HABP2: variants seen among roughly 807,000 people sequenced by gnomAD.
HABP2 encodes factor VII-activating protease.
HABP2 carries 65 observed loss-of-function variants against 66.5 expected under a neutral mutation model. The ratio of observed to expected loss-of-function variants is 0.98; its 90% CI spans 0.80 to 1.20. The LOEUF (loss-of-function observed/expected upper bound fraction) is 1.20, where lower values mean the gene tolerates loss of function less well. Among genes scored for constraint, HABP2 ranks in the 50% most tolerant of loss-of-function variants. The pLI is 0.00. For synonymous variants in HABP2, 263 were observed against 253.9 expected, an observed-to-expected ratio of 1.04 and a Z score of -0.34; for missense variants, 786 against 691.0, an observed-to-expected ratio of 1.14 and a Z score of -1.54.
upstream of HABP2, among the ~76,000 whole-genome samples, chr10:113,551,953 G>A (rs1844906870): frequency 6.6e-6 from 1 of 152,126 alleles, no homozygotes; most frequent in Non-Finnish European, 1.5e-5. Context: ...AAAATATGTG[G>A]ATAAAAGAAA....
intron 2 of HABP2, among the ~76,000 whole-genome samples, chr10:113,568,825 A>T (rs1455143763): frequency 2.0e-5 from 3 of 152,132 alleles, no homozygotes. Flanking sequence ...GACACAGTGG[A>T]AGAAAAAGAA....
At chr10:113,556,517 C>A (rs1844994645) in intron 1 of HABP2, among the ~76,000 whole-genome samples, 1 of 152,060 alleles carries the variant, frequency 6.6e-6, no homozygotes, top group African/African-American at 2.4e-5. Context: ...GAGTTTGAGA[C>A]TAGCAACATA....
At chr10:113,581,716 CTG>C (rs557799387) in intron 8 of HABP2, among the ~76,000 whole-genome samples, 158 bp from the exon 9 acceptor site, 393 of 152,356 alleles carry the variant, frequency 2.6e-3, no homozygotes, top group African/African-American at 8.5e-3. Flanking sequence ...CAAATATCAA[CTG>C]TGCACCTACT....
rs111474520 is a variant in HABP2 at position 113,589,044 on chromosome 10, CTGA to C, written c.*680_*682del. 17 of 1,614,102 alleles carry C rather than the reference CTGA, an allele frequency of 1.1e-5. No homozygotes were observed. In the African/African-American group the frequency reaches 1.5e-4, roughly 14 times the overall value. On this transcript the variant is annotated 3_prime_UTR_variant, in exon 13 of 13. Coordinates refer to ENST00000351270, the MANE Select transcript of HABP2 (RefSeq NM_004132.5). The stretch of plus-strand genomic sequence containing the variant: ...TGGCATCTGGGTTCACCTCCCCACT[CTGA>C]TGATCTCCAGCCTCCACTGCTTCTG...
rs989735150 is a variant in HABP2, at chr10:113,587,671, A to T, written c.1519-534A>T. On this transcript the variant is annotated intron_variant, in intron 12 of 12. Coordinates refer to ENST00000351270, the MANE Select transcript of HABP2 (RefSeq NM_004132.5). ...CCTCGCCACCTTCCGTGAGGGTTTAATATGAACCAGGCACTGTTCTATATA... is the reference window on the plus strand; with the variant it reads ...CCTCGCCACCTTCCGTGAGGGTTTATTATGAACCAGGCACTGTTCTATATA... 6.4e-4 allele frequency among the ~76,000 whole-genome samples: 97 copies of T among 152,142 alleles called. 1 individual carries two copies. The highest frequency in any genetic ancestry group is 6.2e-3 in the Admixed American group (95 of 15,278).
At chr10:113,557,903 C>T (rs1413951122) in intron 1 of HABP2, among the ~76,000 whole-genome samples, 2 of 152,212 alleles carry the variant, frequency 1.3e-5, no homozygotes, top group African/African-American at 4.8e-5. Flanking sequence ...AGACAAGAAA[C>T]TAAGCATAGA....
chr10:113,576,076 C>T lies in HABP2; in HGVS notation c.331+72C>T, dbSNP rs878985291. 83 of 845,984 alleles carry T rather than the reference C, an allele frequency of 9.8e-5. No homozygotes were observed. The South Asian group carries it at 1.1e-3, about 11-fold the overall frequency. The allele number at this position is 845,984 out of a possible 1,614,324, so 52.4% of individuals were successfully genotyped here. ...AGGCAGTCCTTTCTGTGTGAGAAAGCACTGCGCAATGCCATGGAAAGGATT... is the reference window on the plus strand; with the variant it reads ...AGGCAGTCCTTTCTGTGTGAGAAAGTACTGCGCAATGCCATGGAAAGGATT... On this transcript the variant is annotated intron_variant, in intron 4 of 12. Transcript: ENST00000351270.
chr10:113,581,298 T>C (rs544782687), intron 8 of HABP2, among the ~76,000 whole-genome samples: 63 of 152,228 alleles, frequency 4.1e-4, no homozygotes, highest in Non-Finnish European at 7.1e-4. Flanking sequence ...GAAGTCCTCC[T>C]TGATTTCTCA....
rs574804734 is a variant in HABP2, at chr10:113,570,732, T to A, written c.106+3207T>A. ...TTTGCTCTGCTTTAAGCAGACACCA[T>A]TTTTTTAGCCAGCAAAGCTGCATGC... On this transcript the variant is annotated intron_variant, in intron 2 of 12. Transcript: ENST00000351270. 2.0e-5 allele frequency among the ~76,000 whole-genome samples: 3 copies of A among 152,268 alleles called. No homozygotes were observed. In the East Asian group the frequency reaches 5.8e-4, roughly 29 times the overall value.
At chr10:113,572,755 C>T (rs901959785) in intron 2 of HABP2, 2 of 448,268 alleles carry the variant, frequency 4.5e-6, no homozygotes, top group Admixed American at 4.9e-5. Flanking sequence ...GGAGCATTTT[C>T]ATAGTGGGGA....
chr10:113,587,484 C>G (rs921060401), intron 12 of HABP2, among the ~76,000 whole-genome samples: 1 of 146,096 alleles, frequency 6.8e-6, no homozygotes, highest in Non-Finnish European at 1.5e-5. Flanking sequence ...ATCTCAGATG[C>G]CTAAACTATA....
intron 1 of HABP2, among the ~76,000 whole-genome samples, chr10:113,564,661 A>G (rs974070048): frequency 6.6e-6 from 1 of 152,132 alleles, no homozygotes; most frequent in African/African-American, 2.4e-5. Flanking sequence ...AATTTTTTAA[A>G]CCTACAGAAA....
intron 1 of HABP2, among the ~76,000 whole-genome samples, chr10:113,559,062 C>T (rs966483091): frequency 1.3e-5 from 2 of 152,198 alleles, no homozygotes; most frequent in African/African-American, 4.8e-5. Context: ...ACCATCCTGG[C>T]CAGGCTGGTG....
At position 113,574,288 on chromosome 10, in the gene HABP2, GA is replaced by G. The variant is rs750872026; in HGVS notation, c.107del (p.Asp36AlafsTer154). The G allele has an allele frequency of 1.3e-6, 2 of 1,498,548 alleles. No homozygotes were observed. The highest frequency in any genetic ancestry group is 1.9e-6 in the Non-Finnish European group (2 of 1,074,514). The allele number at this position is 1,498,548 out of a possible 1,614,324, so 92.8% of individuals were successfully genotyped here. A position where few individuals can be genotyped will look rare whatever the true frequency, so the allele number is the denominator to read the frequency against. ...LMSLLESLDPDWTPDQYDYSY... is the reference protein window; with the variant it reads ...LMSLLESLDPXWTPDQYDYSY... ...CTTCTGTCCTGTTACCATCCCTGCA[GA>G]CTGGACCCCTGACCAGTATGATTAC... On this transcript the variant is annotated frameshift_variant and splice_region_variant, in exon 3 of 13. Coordinates refer to ENST00000351270, the MANE Select transcript of HABP2 (RefSeq NM_004132.5). LOFTEE classifies it high-confidence loss of function.
chr10:113,552,593 T>C (rs1592677987), upstream of HABP2, among the ~76,000 whole-genome samples: 2 of 152,220 alleles, frequency 1.3e-5, no homozygotes, highest in East Asian at 3.9e-4. Context: ...GAATCAATGT[T>C]TGTCAATAGC....
At chr10:113,579,596 G>A (rs1845481624) in intron 7 of HABP2, among the ~76,000 whole-genome samples, 1 of 152,216 alleles carries the variant, frequency 6.6e-6, no homozygotes, top group African/African-American at 2.4e-5. Flanking sequence ...CACCCTCCCT[G>A]GTGGTGATCT....
In HABP2 at chr10:113,588,288, G is replaced by T; in HGVS notation, c.1602G>T (p.Gly534=). The T allele has an allele frequency of 6.2e-7, 1 of 1,613,582 alleles. No homozygotes were observed. Among genetic ancestry groups the T allele is most frequent in the Non-Finnish European group, 8.5e-7 (1 of 1,179,580 alleles). The part of the protein sequence containing the change: ...YGIVSWGLEC[G]KRPGVYTQVT... ...TAGTGAGCTGGGGCCTGGAGTGTGG[G>T]AAGAGGCCAGGGGTCTACACCCAAG... Residue 534 remains glycine, a synonymous_variant, in exon 13 of 13, where the codon GGG becomes GGT. Transcript: ENST00000351270.
intron 7 of HABP2, among the ~76,000 whole-genome samples, chr10:113,580,279 CT>C (rs1845499140): frequency 6.6e-6 from 1 of 152,210 alleles, no homozygotes; most frequent in African/African-American, 2.4e-5. Context: ...TGATTTTACT[CT>C]CCTGATATAG....
rs147689085 is a variant in HABP2, at chr10:113,577,183, G to C, written c.365G>C (p.Arg122Pro). 6.2e-7 allele frequency: 1 copy of C among 1,610,852 alleles called. No homozygotes were observed. The highest frequency in any genetic ancestry group is 8.5e-7 in the Non-Finnish European group (1 of 1,177,002). The change falls in exon 5 of 13, where the codon CGG becomes CCG. Residue 122 changes from arginine to proline, a missense_variant. Coordinates refer to ENST00000351270, the MANE Select transcript of HABP2 (RefSeq NM_004132.5). ...ACGTGCAAGGACAACCCATGTGGCC[G>C]GGGCCAATGTCTCATTACCCAGAGT... is the stretch of plus-strand genomic sequence containing the variant. ...QNTCKDNPCG[R>P]GQCLITQSPP...
Sources: allele counts gnomAD v4.1 joint callset (sites outside exome capture counted in the v4.1 genomes callset), GRCh38; gene constraint gnomAD v4.1.1; transcripts MANE v1.5; gene names NCBI Gene and HGNC (gene_info 2026-07-23, HGNC 2026-07-21).